Variants in TBC1D3G observed in about 807,000 individuals in gnomAD.
TBC1D3G encodes the protein TBC1 domain family member 3G.
chr17:36,318,547 G>GTCTTCTC, the TBC1D3G span, among the ~76,000 whole-genome samples: 1 of 70,788 alleles, frequency 1.4e-5, no homozygotes. Flanking sequence ...ATCTCTTTTA[G>GTCTTCTC]TCTTCTCTCT....
chr17:36,327,649 AG>A, intron 5 of TBC1D3G, 32 bp downstream of exon 5: 1 of 1,002,680 alleles, frequency 1.0e-6, no homozygotes, highest in South Asian at 1.9e-5. Flanking sequence ...CACTCTCTGC[AG>A]AGACAGGGGA....
intron 8 of TBC1D3G, 54 bp from the exon 9 acceptor site, chr17:36,330,375 ATGACATGAGTCCTCCCAGG>A: frequency 9.0e-6 from 1 of 111,502 alleles, no homozygotes; most frequent in East Asian, 2.9e-4. Flanking sequence ...GCCCTCTCCA[ATGACATGAGTCCTCCCAGG>A]TGACCTCAGC....
chr17:36,327,807 G>A (rs2069394469), intron 5 of TBC1D3G, among the ~76,000 whole-genome samples, 190 bp downstream of exon 5: 1 of 94,834 alleles, frequency 1.1e-5, no homozygotes, highest in Non-Finnish European at 2.0e-5. Context: ...TCTGAATCTA[G>A]GGCTGGGACT....
chr17:36,317,770 T>C, the TBC1D3G span, among the ~76,000 whole-genome samples: 1 of 145,034 alleles, frequency 6.9e-6, no homozygotes, highest in Admixed American at 6.8e-5. Context: ...CAGTACTCTT[T>C]CTCAGTTTCT....
chr17:36,332,541 G>C (rs1346834611), intron 12 of TBC1D3G, among the ~76,000 whole-genome samples, 152 bp downstream of exon 12: 1 of 124,328 alleles, frequency 8.0e-6, no homozygotes, highest in South Asian at 3.1e-4. Context: ...CTGTGACACT[G>C]AGCCCATCCC....
chr17:36,318,043 C>T, the TBC1D3G span, among the ~76,000 whole-genome samples: 1 of 82,860 alleles, frequency 1.2e-5, no homozygotes, highest in Admixed American at 1.1e-4. Flanking sequence ...AGTGCACTGG[C>T]TTACGTGTGT....
At position 36,327,619 on chromosome 17, in the gene TBC1D3G, TA is replaced by T; in HGVS notation, c.279+4del. On this transcript the variant is annotated splice_donor_region_variant and intron_variant, in intron 5 of 13. Coordinates refer to ENST00000569055, the MANE Select transcript of TBC1D3G (RefSeq NM_001291462.2). ...GAGAAATACAAAAGCAGCAGAAAGGTAACGTGTGGAGGGAGGAAGCACTCTC... is the reference window on the plus strand; with the variant it reads ...GAGAAATACAAAAGCAGCAGAAAGGTACGTGTGGAGGGAGGAAGCACTCTC... 1 of 1,142,000 alleles carries T rather than the reference TA, an allele frequency of 8.8e-7. No homozygotes were observed. The highest frequency in any genetic ancestry group is 1.1e-6 in the Non-Finnish European group (1 of 926,084). The allele number at this position is 1,142,000 out of a possible 1,614,324, so 70.7% of individuals were successfully genotyped here.
intron 13 of TBC1D3G, among the ~76,000 whole-genome samples, chr17:36,333,162 A>ACTTTCCACGGTGTCTCCCTCTCCCC (rs2069413973): frequency 9.0e-6 from 1 of 111,436 alleles, no homozygotes; most frequent in Non-Finnish European, 1.8e-5. Context: ...GCCCCCTCCC[A>ACTTTCCACGGTGTCTCCCTCTCCCC]CTTTCCACGG....
At chr17:36,326,430 C>T (rs1271676478) in intron 3 of TBC1D3G, among the ~76,000 whole-genome samples, 7 of 110,296 alleles carry the variant, frequency 6.3e-5, no homozygotes, top group Admixed American at 1.7e-4. Context: ...GGAGGTAGGG[C>T]GGGAGGGAGC....
At chr17:36,327,267 TG>T (rs2069390964) in intron 4 of TBC1D3G, among the ~76,000 whole-genome samples, 3 of 56,550 alleles carry the variant, frequency 5.3e-5, no homozygotes, top group Non-Finnish European at 7.8e-5. Flanking sequence ...AGTCCTGGCT[TG>T]GGGGTGGCTG....
intron 5 of TBC1D3G, 73 bp downstream of exon 5, chr17:36,327,690 TCAGC>T: frequency 1.2e-6 from 1 of 803,158 alleles, no homozygotes; most frequent in Non-Finnish European, 1.6e-6. Context: ...CCTGGCACCA[TCAGC>T]CTCTCAGAGG....
the TBC1D3G span, among the ~76,000 whole-genome samples, chr17:36,317,632 A>G: frequency 6.7e-6 from 1 of 149,196 alleles, no homozygotes; most frequent in Non-Finnish European, 1.5e-5. Flanking sequence ...TGTCACTCAT[A>G]TTCTTTGTCC....
At chr17:36,332,412 G>T in intron 12 of TBC1D3G, 23 bp downstream of exon 12, 1 of 530,882 alleles carries the variant, frequency 1.9e-6, no homozygotes, top group Non-Finnish European at 3.1e-6. Context: ...GTGCCCAGCG[G>T]GGCCTGGGGA....
At chr17:36,320,176 AT>A, upstream of TBC1D3G, 38 of 58,888 alleles carry the variant, frequency 6.5e-4, no homozygotes, top group East Asian at 3.0e-3. Flanking sequence ...CTGGCTTGTC[AT>A]TTTTTTTAAT....
intron 3 of TBC1D3G, among the ~76,000 whole-genome samples, chr17:36,326,325 C>T (rs1194390939): frequency 2.3e-5 from 3 of 129,072 alleles, no homozygotes; most frequent in African/African-American, 8.3e-5. Context: ...AGACCTGGGT[C>T]TGGTGCTGGG....
At chr17:36,317,719 A>G in the TBC1D3G span, among the ~76,000 whole-genome samples, 493 of 136,454 alleles carry the variant, frequency 3.6e-3, no homozygotes, top group African/African-American at 4.3e-3. Flanking sequence ...ATTCATTACT[A>G]AACTACATTT....
chr17:36,318,036 G>A, the TBC1D3G span, among the ~76,000 whole-genome samples: 109 of 81,896 alleles, frequency 1.3e-3, 4 homozygotes, highest in Non-Finnish European at 2.0e-3. Flanking sequence ...AGGACTGAGT[G>A]CACTGGCTTA....
At chr17:36,317,769 T>G in the TBC1D3G span, among the ~76,000 whole-genome samples, 1 of 145,138 alleles carries the variant, frequency 6.9e-6, no homozygotes, top group Admixed American at 6.8e-5. Flanking sequence ...GCAGTACTCT[T>G]TCTCAGTTTC....
At chr17:36,333,391 CCCAGAG>C (rs1471736758) in intron 13 of TBC1D3G, among the ~76,000 whole-genome samples, 4 of 54,116 alleles carry the variant, frequency 7.4e-5, no homozygotes, top group Admixed American at 1.5e-4. Context: ...AGGGAGAGGG[CCCAGAG>C]CCAGAGCCAA....
Sources: gnomAD v4.1 joint callset for allele counts (sites outside exome capture counted in the v4.1 genomes callset) on GRCh38, gnomAD v4.1.1 for gene constraint, MANE v1.5 for transcripts, NCBI Gene and HGNC (gene_info 2026-07-23, HGNC 2026-07-21) for gene names.